The following RANBP9 variants were observed in gnomAD, a reference collection of about 807,000 sequenced individuals.
The protein encoded by RANBP9 is ran-binding protein 9.
RANBP9 carries 15 observed loss-of-function variants against 84.3 expected under a neutral mutation model. The observed-to-expected ratio is 0.18, with a 90% CI of 0.12 to 0.27. RANBP9 has a LOEUF of 0.27. Among genes scored for constraint, RANBP9 ranks in the 10% least tolerant of loss-of-function variants. The pLI is 1.00. For synonymous variants in RANBP9, 392 were observed against 349.6 expected (o/e 1.12, Z -1.35); for missense variants, 809 against 912.8 (o/e 0.89, Z 1.46).
intron 10 of RANBP9, among the ~76,000 whole-genome samples, chr6:13,637,382 C>CA (rs3216841): frequency 2.6e-5 from 4 of 151,694 alleles, no homozygotes; most frequent in Non-Finnish European, 4.4e-5. Context: ...ACATTTACAC[C>CA]AAAAAAAACT....
intron 2 of RANBP9, among the ~76,000 whole-genome samples, chr6:13,673,190 G>A (rs1188834749): frequency 6.6e-6 from 1 of 152,122 alleles, no homozygotes. Context: ...AGAAGGGCAA[G>A]AATTATATCA....
At position 13,711,026 on chromosome 6, in the gene RANBP9, T is replaced by A; in HGVS notation, c.480A>T (p.Glu160Asp). ...AGGACCGAGGCAGCGGCGTCTCTTGTTCGTCCACGGCCGGGTAGAGACGCT... is the reference window on the plus strand; with the variant it reads ...AGGACCGAGGCAGCGGCGTCTCTTGATCGTCCACGGCCGGGTAGAGACGCT... ...RLKRLYPAVD[E>D]QETPLPRSWS... The change falls in exon 1 of 14, where the codon GAA becomes GAT. Residue 160 changes from glutamate to aspartate, a missense_variant. Around this residue, in one of 5 missense-constraint regions of RANBP9, gnomAD observed 302 missense variants for 240.1 expected, o/e 1.26. Transcript: ENST00000011619. The A allele has an allele frequency of 6.2e-7, 1 of 1,602,972 alleles. No homozygotes were observed. The highest frequency in any genetic ancestry group is 8.5e-7 in the Non-Finnish European group (1 of 1,175,418).
chr6:13,645,635 T>C (rs1487071262), intron 5 of RANBP9, among the ~76,000 whole-genome samples: 1 of 152,214 alleles, frequency 6.6e-6, no homozygotes, highest in Admixed American at 6.5e-5. Context: ...AACTTGCTCA[T>C]GGTCGTTCTG....
At chr6:13,679,094 C>T (rs146994655) in intron 2 of RANBP9, among the ~76,000 whole-genome samples, 69 of 152,150 alleles carry the variant, frequency 4.5e-4, no homozygotes, top group African/African-American at 1.6e-3. Context: ...TCTATGCTGA[C>T]AGTAAAGCAG....
Position 13,683,978 on chromosome 6 carries a change from C to G in RANBP9, c.683+12807G>C, listed in dbSNP as rs142199315. On this transcript the variant is annotated intron_variant, in intron 2 of 13. Coordinates refer to ENST00000011619, the MANE Select transcript of RANBP9 (RefSeq NM_005493.3). ...ATTTTTCTCTCCACCAAAAATGTGG[C>G]TCCTACCATTCTTAATGGTTTTTAG... Among the ~76,000 whole-genome samples, 77 of 152,232 alleles carry G rather than the reference C, an allele frequency of 5.1e-4. No individual in the cohort carries two copies. The East Asian group carries it at 0.014, about 27-fold the overall frequency.
chr6:13,711,288 G>A lies in RANBP9; in HGVS notation c.218C>T (p.Pro73Leu). The change falls in exon 1 of 14, where the codon CCG (proline) becomes CTG (leucine). Residue 73 changes from proline to leucine, a missense_variant. This residue lies in a region of RANBP9 where 302 missense variants were observed against 240.1 expected (regional missense o/e 1.26). Transcript: ENST00000011619. Reference protein sequence around the residue: ...AAAALLLHPPPPPPPATAAPP... With the variant: ...AAAALLLHPPLPPPPATAAPP... ...GGCCGCGGTGGCCGGGGGCGGCGGC[G>A]GCGGAGGGTGGAGGAGCAGGGCGGC... is the stretch of plus-strand genomic sequence containing the variant. 1 of 1,007,840 alleles carries A rather than the reference G, an allele frequency of 9.9e-7. No individual in the cohort carries two copies. Among genetic ancestry groups the A allele is most frequent in the Non-Finnish European group, 1.2e-6 (1 of 846,330 alleles). 62.4% of individuals were successfully genotyped at this position (1,007,840 alleles called of 1,614,324 possible). A position where few individuals can be genotyped will look rare whatever the true frequency, so the allele number is the denominator to read the frequency against.
chr6:13,654,961 G>C (rs1232731722), intron 4 of RANBP9, among the ~76,000 whole-genome samples: 1 of 152,228 alleles, frequency 6.6e-6, no homozygotes, highest in Non-Finnish European at 1.5e-5. Flanking sequence ...CCACCTTAGT[G>C]AGATAGGTAT....
Position 13,637,971 on chromosome 6 carries a change from C to A in RANBP9, c.1526-16G>T, listed in dbSNP as rs780509282. On this transcript the variant is annotated splice_polypyrimidine_tract_variant and intron_variant, in intron 9 of 13. Coordinates refer to ENST00000011619, the MANE Select transcript of RANBP9 (RefSeq NM_005493.3). ...CTTTCAAAACCTGAAGAAAAAGATA[C>A]CACGTAGAAACAGAAACAAACACTA... 3.8e-6 allele frequency: 6 copies of A among 1,579,570 alleles called. No individual in the cohort carries two copies. The highest frequency in any genetic ancestry group is 1.9e-5 in the Admixed American group (1 of 52,414).
chr6:13,704,410 T>C (rs1758048846), intron 1 of RANBP9, among the ~76,000 whole-genome samples: 1 of 152,116 alleles, frequency 6.6e-6, no homozygotes, highest in East Asian at 1.9e-4. Context: ...GGCAGATGGC[T>C]TGAGCTCAGG....
intron 5 of RANBP9, among the ~76,000 whole-genome samples, chr6:13,649,118 G>C (rs543718185): frequency 6.6e-6 from 1 of 152,140 alleles, no homozygotes; most frequent in Admixed American, 6.5e-5. Context: ...AGAGATCACA[G>C]GTATAGAAGA....
chr6:13,700,205 A>T (rs1584949306), intron 1 of RANBP9, among the ~76,000 whole-genome samples: 1 of 151,796 alleles, frequency 6.6e-6, no homozygotes, highest in Non-Finnish European at 1.5e-5. Context: ...CCCTATTCCC[A>T]CTCCCTTCCA....
At position 13,666,600 on chromosome 6, in the gene RANBP9, CAAAAAAAAAAAAAAAAAAA is replaced by C. The variant is rs70989878; in HGVS notation, c.684-7787_684-7769del. ...AGACCAGCCTGGGACCCCGTCTCTC[CAAAAAAAAAAAAAAAAAAA>C]AAAAAAAAAGATTGGCAGGGTGGTG... On this transcript the variant is annotated intron_variant, in intron 2 of 13. Transcript: ENST00000011619. Among the ~76,000 whole-genome samples, 3 of 43,670 alleles carry C rather than the reference CAAAAAAAAAAAAAAAAAAA, an allele frequency of 6.9e-5. 1 individual carries two copies. Among genetic ancestry groups the C allele is most frequent in the Non-Finnish European group, 1.3e-4 (3 of 23,360 alleles). The allele number at this position is 43,670 out of a possible 152,430, so 28.6% of individuals were successfully genotyped here. A position where few individuals can be genotyped will look rare whatever the true frequency, so the allele number is the denominator to read the frequency against.
chr6:13,639,624 G>C lies in RANBP9; in HGVS notation c.1464C>G (p.Pro488=). ...PRPFSSPSMS[P]SHGMNIHNLA... ...AATTGTGGATATTCATTCCATGGCT[G>C]GGGCTCATACTTGGACTACTAAAAG... The change falls in exon 9 of 14, where the codon CCC becomes CCG. Residue 488 remains proline (P), a synonymous_variant. Coordinates refer to ENST00000011619, the MANE Select transcript of RANBP9 (RefSeq NM_005493.3). The C allele has an allele frequency of 6.2e-7, 1 of 1,613,110 alleles. No homozygotes were observed. The highest frequency in any genetic ancestry group is 1.7e-4 in the Middle Eastern group (1 of 6,058).
At chr6:13,631,301 T>C (rs757808439) in intron 12 of RANBP9, among the ~76,000 whole-genome samples, 17 of 152,208 alleles carry the variant, frequency 1.1e-4, no homozygotes, top group Non-Finnish European at 1.9e-4. Flanking sequence ...CAAGATTGCA[T>C]GCCTTTAACT....
chr6:13,690,298 TGTTA>T (rs1391446106), intron 2 of RANBP9, among the ~76,000 whole-genome samples: 1 of 152,240 alleles, frequency 6.6e-6, no homozygotes, highest in East Asian at 1.9e-4. Flanking sequence ...AACATATATT[TGTTA>T]AATAAATATA....
intron 3 of RANBP9, 51 bp downstream of exon 3, chr6:13,658,729 C>A: frequency 1.4e-6 from 2 of 1,382,894 alleles, no homozygotes; most frequent in African/African-American, 1.5e-5. Context: ...AAAATTTAAC[C>A]AGAAAGAGCT....
Position 13,696,765 on chromosome 6 carries a change from T to C in RANBP9, c.683+20A>G, listed in dbSNP as rs771334913. The C allele has an allele frequency of 2.3e-5, 36 of 1,568,420 alleles. No homozygotes were observed. Among genetic ancestry groups the C allele is most frequent in the Non-Finnish European group, 2.8e-5 (32 of 1,146,864 alleles). On this transcript the variant is annotated intron_variant, in intron 2 of 13. Transcript: ENST00000011619. The stretch of plus-strand genomic sequence containing the variant: ...AACAAAAAAACTAGCAAACGATTTT[T>C]CTCACCAAAATTTACTTACCCATCT...
At chr6:13,645,368 G>A (rs533529772) in intron 5 of RANBP9, among the ~76,000 whole-genome samples, 23 of 152,020 alleles carry the variant, frequency 1.5e-4, no homozygotes, top group Admixed American at 9.2e-4. Flanking sequence ...GGATGAATCT[G>A]AATATACCCA....
At chr6:13,697,511 C>A (rs939621764) in intron 1 of RANBP9, among the ~76,000 whole-genome samples, 2 of 151,968 alleles carry the variant, frequency 1.3e-5, no homozygotes, top group African/African-American at 4.8e-5. Flanking sequence ...GTATTTTTTT[C>A]TTTTTAAACA....
Sources: allele counts gnomAD v4.1 joint callset (sites outside exome capture counted in the v4.1 genomes callset), GRCh38; gene constraint gnomAD v4.1.1; regional missense constraint gnomAD v4.1.1; transcripts MANE v1.5; gene names NCBI Gene and HGNC (gene_info 2026-07-23, HGNC 2026-07-21).